RNF144B: variants seen among roughly 807,000 people sequenced by gnomAD.
RNF144B encodes ring finger protein 144B.
A neutral mutation model predicts 40.2 loss-of-function variants in RNF144B; 25 were observed. That is an observed-to-expected ratio of 0.62 (90% CI 0.45 to 0.87). RNF144B has a LOEUF of 0.87. RNF144B is among the 40% of genes least tolerant of loss of function. RNF144B has a pLI of 0.00. For synonymous variants in RNF144B, 145 were observed against 136.3 expected (o/e 1.06, Z -0.44); for missense variants, 365 against 373.7 (o/e 0.98, Z 0.19).
rs927738535 is a variant in RNF144B at position 18,458,362 on chromosome 6, C to T, written c.536+1003C>T. Among the ~76,000 whole-genome samples, 1 of 152,158 alleles carries T rather than the reference C, an allele frequency of 6.6e-6. No individual in the cohort carries two copies. The highest frequency in any genetic ancestry group is 1.5e-5 in the Non-Finnish European group (1 of 68,038). On this transcript the variant is annotated intron_variant, in intron 5 of 7. Coordinates refer to ENST00000259939, the MANE Select transcript of RNF144B (RefSeq NM_182757.4). The surrounding 1 kb of genome is among the most constrained non-coding windows in gnomAD (Gnocchi z 4.8). ...GAACAAAATACGAGTGTTGTAATCC[C>T]ATTGGCTTAATCACACAGTGCACCC...
rs6924327 is a variant in RNF144B at position 18,425,912 on chromosome 6, T to C, written c.166-1669T>C. Among the ~76,000 whole-genome samples, 12,028 of 152,290 alleles carry C rather than the reference T, an allele frequency of 0.079. 599 individuals carry two copies. Among genetic ancestry groups the C allele is most frequent in the Non-Finnish European group, 0.12 (8,033 of 68,020 alleles). On this transcript the variant is annotated intron_variant, in intron 2 of 7. Coordinates refer to ENST00000259939, the MANE Select transcript of RNF144B (RefSeq NM_182757.4). This position sits in a 1 kb window ranked among gnomAD's most constrained non-coding sequence, Gnocchi z 4.2. The stretch of plus-strand genomic sequence containing the variant: ...AAATTAACTCCTTGGAGAAAAAAAC[T>C]GTTAACTATTTGAAGAGATACAAGT...
intron 4 of RNF144B, among the ~76,000 whole-genome samples, chr6:18,451,943 T>G (rs1759217427): frequency 6.6e-6 from 1 of 152,160 alleles, no homozygotes; most frequent in Non-Finnish European, 1.5e-5. Context: ...TCGATGACTT[T>G]CGAAATTTGA....
chr6:18,417,611 C>G (rs533642965), intron 2 of RNF144B, among the ~76,000 whole-genome samples: 1 of 152,100 alleles, frequency 6.6e-6, no homozygotes, highest in Non-Finnish European at 1.5e-5. Flanking sequence ...ACAGCTGAAA[C>G]TATAGAACTC....
At chr6:18,415,474 G>C (rs1795132835) in intron 2 of RNF144B, among the ~76,000 whole-genome samples, 1 of 152,274 alleles carries the variant, frequency 6.6e-6, no homozygotes, top group Admixed American at 6.5e-5. Flanking sequence ...GGGCAAGAGA[G>C]CACTCCCTTT....
chr6:18,419,079 C>T lies in RNF144B; in HGVS notation c.166-8502C>T, dbSNP rs999222647. On this transcript the variant is annotated intron_variant, in intron 2 of 7. Coordinates refer to ENST00000259939, the MANE Select transcript of RNF144B (RefSeq NM_182757.4). The surrounding 1 kb of genome is among the most constrained non-coding windows in gnomAD (Gnocchi z 4.6). The stretch of plus-strand genomic sequence containing the variant: ...CCAAGATCCACTGAATCAGAATCTG[C>T]ATTTTTGATGGGATCCTCAAATAAC... Among the ~76,000 whole-genome samples the T allele has an allele frequency of 1.6e-4, 24 of 152,138 alleles. 1 individual carries two copies. Among genetic ancestry groups the T allele is most frequent in the Non-Finnish European group, 8.8e-5 (6 of 68,030 alleles).
In RNF144B at chr6:18,387,617, AG is replaced by A; in HGVS notation, c.-48del. On this transcript the variant is annotated 5_prime_UTR_variant, in exon 1 of 8. Transcript: ENST00000259939. ...GAGAAGCCCGGCGACGGAGGAACGC[AG>A]GTCTGCTGCCAGGTAGGTTTAGCGA... 3 of 1,310,152 alleles carry A rather than the reference AG, an allele frequency of 2.3e-6. No homozygotes were observed. Among genetic ancestry groups the A allele is most frequent in the Non-Finnish European group, 3.0e-6 (3 of 1,000,156 alleles). 81.2% of individuals were successfully genotyped at this position (1,310,152 alleles called of 1,614,324 possible).
Position 18,416,633 on chromosome 6 carries a change from C to A in RNF144B, c.166-10948C>A, listed in dbSNP as rs373606765. ...TAGTAATCTTTTCCAGAAAATGTAA[C>A]GGCACTATTTTGGGCTAAAGTATTT... On this transcript the variant is annotated intron_variant, in intron 2 of 7. Transcript: ENST00000259939. The surrounding 1 kb of genome is among the most constrained non-coding windows in gnomAD (Gnocchi z 5.5). Among the ~76,000 whole-genome samples, 4 of 152,102 alleles carry A rather than the reference C, an allele frequency of 2.6e-5. No individual in the cohort carries two copies. The highest frequency in any genetic ancestry group is 4.4e-5 in the Non-Finnish European group (3 of 68,028).
At chr6:18,432,511 G>C (rs1253734031) in intron 3 of RNF144B, among the ~76,000 whole-genome samples, 1 of 152,346 alleles carries the variant, frequency 6.6e-6, no homozygotes, top group Admixed American at 6.5e-5. Flanking sequence ...ATGAAATTAT[G>C]AGAGGCAGGA....
In RNF144B at chr6:18,425,933, C is replaced by A. The variant is rs1024195110; in HGVS notation, c.166-1648C>A. Reference sequence around the variant, plus strand: ...AAACTGTTAACTATTTGAAGAGATACAAGTCTGGTTTAAATGGTTTGCCCT... The same window carrying A: ...AAACTGTTAACTATTTGAAGAGATAAAAGTCTGGTTTAAATGGTTTGCCCT... On this transcript the variant is annotated intron_variant, in intron 2 of 7. Transcript: ENST00000259939. This position sits in a 1 kb window ranked among gnomAD's most constrained non-coding sequence, Gnocchi z 4.2. Among the ~76,000 whole-genome samples, 4 of 152,060 alleles carry A rather than the reference C, an allele frequency of 2.6e-5. No homozygotes were observed. The highest frequency in any genetic ancestry group is 9.7e-5 in the African/African-American group (4 of 41,424).
Position 18,427,648 on chromosome 6 carries a change from T to C in RNF144B, c.233T>C (p.Met78Thr), listed in dbSNP as rs767789668. ...GGGTCTCCCATCACTTGCCCTGACATGGTGTGCCTAAACCACGGGACCCTG... is the reference window on the plus strand; with the variant it reads ...GGGTCTCCCATCACTTGCCCTGACACGGTGTGCCTAAACCACGGGACCCTG... ...GCGSPITCPD[M>T]VCLNHGTLQE... is the part of the protein sequence containing the mutation. The change falls in exon 3 of 8, where the codon ATG (methionine) becomes ACG (threonine). Residue 78 changes from methionine (M) to threonine (T), a missense_variant. Met to Thr is a moderately conservative substitution (Grantham distance 81). Coordinates refer to ENST00000259939, the MANE Select transcript of RNF144B (RefSeq NM_182757.4). 5.6e-6 allele frequency: 9 copies of C among 1,613,556 alleles called. No individual in the cohort carries two copies. The highest frequency in any genetic ancestry group is 1.7e-5 in the Admixed American group (1 of 59,948).
chr6:18,403,999 G>C (rs1794844437), intron 2 of RNF144B, among the ~76,000 whole-genome samples: 1 of 152,158 alleles, frequency 6.6e-6, no homozygotes, highest in Non-Finnish European at 1.5e-5. Context: ...CTAGAGAGTG[G>C]CACCAAGCCA....
chr6:18,433,298 T>C (rs921807525), intron 3 of RNF144B, among the ~76,000 whole-genome samples: 2 of 152,200 alleles, frequency 1.3e-5, no homozygotes, highest in Non-Finnish European at 2.9e-5. Context: ...ACGTGTTGGC[T>C]GGAGAAAAGT....
intron 2 of RNF144B, among the ~76,000 whole-genome samples, chr6:18,413,500 T>G (rs1795088271): frequency 6.6e-6 from 1 of 152,174 alleles, no homozygotes; most frequent in Non-Finnish European, 1.5e-5. Flanking sequence ...TTCCACTGTG[T>G]GATTTCGGGT....
rs58124564 is a variant in RNF144B, at chr6:18,406,457, AGTGTGTGTGT to A, written c.165+6793_165+6802del. Among the ~76,000 whole-genome samples the A allele has an allele frequency of 0.23, 29,806 of 130,892 alleles. 3,276 individuals carry two copies. The highest frequency in any genetic ancestry group is 0.29 in the African/African-American group (10,220 of 34,702). 85.9% of individuals were successfully genotyped at this position (130,892 alleles called of 152,430 possible). A position where few individuals can be genotyped will look rare whatever the true frequency, so the allele number is the denominator to read the frequency against. ...CAAAGGAGGCTGGTGTGGCTGGAAA[AGTGTGTGTGT>A]GTGTGTGTGTGTGTGTGTGTGTGTG... is the stretch of plus-strand genomic sequence containing the variant. On this transcript the variant is annotated intron_variant, in intron 2 of 7. Transcript: ENST00000259939. The surrounding 1 kb of genome is among the most constrained non-coding windows in gnomAD (Gnocchi z 4.2).
intron 1 of RNF144B, among the ~76,000 whole-genome samples, chr6:18,388,261 C>T (rs560916969): frequency 1.6e-4 from 24 of 152,252 alleles, no homozygotes; most frequent in African/African-American, 4.8e-4. Flanking sequence ...TTTCATATTG[C>T]TTTCTGCCAC....
chr6:18,420,015 C>G (rs1795224286), intron 2 of RNF144B, among the ~76,000 whole-genome samples: 2 of 152,164 alleles, frequency 1.3e-5, no homozygotes, highest in Middle Eastern at 3.4e-3. Context: ...AAAAGAAGAA[C>G]AGAGGATGGA....
chr6:18,387,409 T>A lies in RNF144B; in HGVS notation c.-258T>A. The A allele has an allele frequency of 1.7e-6, 2 of 1,176,868 alleles. No individual in the cohort carries two copies. Among genetic ancestry groups the A allele is most frequent in the South Asian group, 3.0e-5 (2 of 66,134 alleles). The allele number at this position is 1,176,868 out of a possible 1,614,324, so 72.9% of individuals were successfully genotyped here. ...GGGCATCGCAGCTGCCAGTCAAGGC[T>A]AGGAGGCGGTCGGGGACTCCGCCTC... On this transcript the variant is annotated 5_prime_UTR_variant, in exon 1 of 8. Coordinates refer to ENST00000259939, the MANE Select transcript of RNF144B (RefSeq NM_182757.4).
intron 1 of RNF144B, among the ~76,000 whole-genome samples, chr6:18,397,490 T>C (rs1325730515): frequency 6.6e-6 from 1 of 152,224 alleles, no homozygotes; most frequent in Non-Finnish European, 1.5e-5. Flanking sequence ...AGATGTGATA[T>C]AAAATATGAA....
At chr6:18,463,830 A>G (rs1447807548) in intron 7 of RNF144B, among the ~76,000 whole-genome samples, 1 of 152,228 alleles carries the variant, frequency 6.6e-6, no homozygotes, top group Non-Finnish European at 1.5e-5. Flanking sequence ...GAGGCCTCAC[A>G]ATCATGGCAG....
Sources: gnomAD v4.1 joint callset for allele counts (sites outside exome capture counted in the v4.1 genomes callset) on GRCh38, gnomAD v4.1.1 for gene constraint, Gnocchi (gnomAD v3.1) non-coding constraint, MANE v1.5 for transcripts, NCBI Gene and HGNC (gene_info 2026-07-23, HGNC 2026-07-21) for gene names.